Variants in FBXL7 observed in about 807,000 individuals in gnomAD.
FBXL7 encodes F-box/LRR-repeat protein 7.
Under a neutral mutation model 38.3 loss-of-function variants are expected in FBXL7, and 12 were observed. That is an observed-to-expected ratio of 0.31 (90% CI 0.20 to 0.51). The LOEUF (loss-of-function observed/expected upper bound fraction) is 0.51, where lower values mean the gene tolerates loss of function less well. Ranked by LOEUF, FBXL7 falls within the 20% of genes least tolerant of loss-of-function variation. FBXL7 has a pLI of 0.98. For missense variants in FBXL7, 567 were observed against 676.4 expected (o/e 0.84, Z 1.79); for synonymous variants, 297 against 300.9 (o/e 0.99, Z 0.13).
At chr5:15,915,738 A>G (rs1741567579) in intron 2 of FBXL7, among the ~76,000 whole-genome samples, 1 of 152,204 alleles carries the variant, frequency 6.6e-6, no homozygotes, top group South Asian at 2.1e-4. Context: ...TATTTTAGAA[A>G]GTAAACCCTG....
At chr5:15,862,828 G>C (rs1025737087) in intron 2 of FBXL7, among the ~76,000 whole-genome samples, 1 of 152,200 alleles carries the variant, frequency 6.6e-6, no homozygotes, top group Non-Finnish European at 1.5e-5. Flanking sequence ...CTCCCTGAGA[G>C]TCCAGCTGGG....
At chr5:15,745,857 G>A (rs1313767906) in intron 2 of FBXL7, among the ~76,000 whole-genome samples, 1 of 152,196 alleles carries the variant, frequency 6.6e-6, no homozygotes, top group African/African-American at 2.4e-5. Context: ...TTAAAGCAGA[G>A]AGAACTTGAT....
At chr5:15,534,232 C>T (rs1274082261) in intron 1 of FBXL7, among the ~76,000 whole-genome samples, 1 of 152,288 alleles carries the variant, frequency 6.6e-6, no homozygotes, top group Middle Eastern at 3.4e-3. Flanking sequence ...GATATACATT[C>T]TATGGGTCTT....
chr5:15,920,457 A>G (rs775296709), intron 2 of FBXL7, among the ~76,000 whole-genome samples: 4 of 152,152 alleles, frequency 2.6e-5, no homozygotes, highest in Non-Finnish European at 4.4e-5. Context: ...CTATTGCTGT[A>G]TATTCCTTGC....
intron 1 of FBXL7, among the ~76,000 whole-genome samples, chr5:15,594,416 T>C (rs1739562734): frequency 6.6e-6 from 1 of 152,226 alleles, no homozygotes; most frequent in Admixed American, 6.5e-5. Flanking sequence ...GGTGTTTCCA[T>C]TTCTTACGCG....
chr5:15,869,375 C>T (rs538613789), intron 2 of FBXL7, among the ~76,000 whole-genome samples: 5 of 152,214 alleles, frequency 3.3e-5, no homozygotes, highest in South Asian at 2.1e-4. Context: ...GGACAGTCCC[C>T]GTTAACAAAC....
At chr5:15,735,896 G>T (rs1735736195) in intron 2 of FBXL7, among the ~76,000 whole-genome samples, 1 of 152,182 alleles carries the variant, frequency 6.6e-6, no homozygotes, top group South Asian at 2.1e-4. Flanking sequence ...AGGATTAAAG[G>T]CTGTTGGGTT....
chr5:15,780,851 C>A (rs1284351763), intron 2 of FBXL7, among the ~76,000 whole-genome samples: 2 of 152,116 alleles, frequency 1.3e-5, no homozygotes, highest in African/African-American at 2.4e-5. Flanking sequence ...TGGCCACCAC[C>A]AAAAGCTGGG....
intron 2 of FBXL7, among the ~76,000 whole-genome samples, chr5:15,779,648 C>T (rs1030327989): frequency 6.6e-6 from 1 of 152,024 alleles, no homozygotes; most frequent in Non-Finnish European, 1.5e-5. Context: ...ATTAAAAAAC[C>T]CTTCATATCA....
chr5:15,934,601 G>A (rs575904923), intron 3 of FBXL7, among the ~76,000 whole-genome samples: 1 of 152,188 alleles, frequency 6.6e-6, no homozygotes, highest in East Asian at 1.9e-4. Context: ...CTAACAATCA[G>A]GTAAGAAAAT....
chr5:15,881,555 C>T (rs1740452028), intron 2 of FBXL7, among the ~76,000 whole-genome samples: 1 of 152,122 alleles, frequency 6.6e-6, no homozygotes. Context: ...AGTGGGATTG[C>T]TGGATCAAAT....
intron 2 of FBXL7, among the ~76,000 whole-genome samples, chr5:15,629,145 G>C (rs1439605373): frequency 6.6e-6 from 1 of 151,870 alleles, no homozygotes; most frequent in Non-Finnish European, 1.5e-5. Flanking sequence ...AATTACTTGG[G>C]TGTGGTGGCA....
chr5:15,662,345 G>T (rs1388807295), intron 2 of FBXL7, among the ~76,000 whole-genome samples: 1 of 152,042 alleles, frequency 6.6e-6, no homozygotes, highest in African/African-American at 2.4e-5. Context: ...AAATTTAAAG[G>T]GTTTGTTTGT....
chr5:15,917,754 T>A (rs1335203451), intron 2 of FBXL7, among the ~76,000 whole-genome samples: 1 of 149,224 alleles, frequency 6.7e-6, no homozygotes, highest in Admixed American at 6.7e-5. Context: ...TGCCAAAGAC[T>A]TTAAATCAGA....
chr5:15,732,671 A>T (rs957641634), intron 2 of FBXL7, among the ~76,000 whole-genome samples: 2 of 152,248 alleles, frequency 1.3e-5, no homozygotes, highest in Non-Finnish European at 2.9e-5. Flanking sequence ...TACGATCTAT[A>T]GAAGCCCCAC....
chr5:15,925,678 A>G (rs1232918758), intron 2 of FBXL7, among the ~76,000 whole-genome samples: 1 of 152,246 alleles, frequency 6.6e-6, no homozygotes, highest in African/African-American at 2.4e-5. Flanking sequence ...AGAGCTGGAA[A>G]TGACTTAGAA....
chr5:15,709,105 CAGG>C (rs1031808379), intron 2 of FBXL7, among the ~76,000 whole-genome samples: 2 of 152,138 alleles, frequency 1.3e-5, no homozygotes, highest in African/African-American at 4.8e-5. Flanking sequence ...TCACTGAAAA[CAGG>C]AGCATCTGCT....
intron 2 of FBXL7, among the ~76,000 whole-genome samples, chr5:15,703,329 T>C (rs905922145): frequency 3.9e-5 from 6 of 152,230 alleles, no homozygotes; most frequent in Non-Finnish European, 8.8e-5. Context: ...TGTTACATGT[T>C]TCACCTCCAA....
chr5:15,692,110 G>C (rs559244240), intron 2 of FBXL7, among the ~76,000 whole-genome samples: 64 of 152,294 alleles, frequency 4.2e-4, no homozygotes, highest in African/African-American at 1.4e-3. Context: ...TGAGCCCTCA[G>C]AGTAGGCTGC....
Sources: allele counts gnomAD v4.1 joint callset (sites outside exome capture counted in the v4.1 genomes callset), GRCh38; gene constraint gnomAD v4.1.1; transcripts MANE v1.5; gene names NCBI Gene and HGNC (gene_info 2026-07-23, HGNC 2026-07-21).